RGPD4: variants seen among roughly 807,000 people sequenced by gnomAD.
RGPD4 encodes RANBP2 like and GRIP domain containing 4.
RGPD4 carries 84 observed loss-of-function variants against 141.1 expected under a neutral mutation model. The ratio of observed to expected loss-of-function variants is 0.60; its 90% CI spans 0.50 to 0.71. The LOEUF is 0.71. Ranked by LOEUF, RGPD4 falls within the 30% of genes least tolerant of loss-of-function variation. The probability of loss-of-function intolerance (pLI) is 0.00; values close to 1 mark genes in which losing one functional copy is unlikely to be tolerated. For synonymous variants in RGPD4, 298 were observed against 566.8 expected, an observed-to-expected ratio of 0.53 and a Z score of 6.74; for missense variants, 918 against 1,622.4, an observed-to-expected ratio of 0.57 and a Z score of 7.46.
intron 9 of RGPD4, among the ~76,000 whole-genome samples, chr2:107,858,646 G>A (rs1682424279): frequency 6.6e-6 from 1 of 151,420 alleles, no homozygotes; most frequent in African/African-American, 2.4e-5. Context: ...CACCATGCTG[G>A]CCAGGCTGGT....
intron 9 of RGPD4, among the ~76,000 whole-genome samples, chr2:107,858,406 T>TTCTTTTCTTG (rs1682406833): frequency 2.1e-5 from 3 of 140,246 alleles, no homozygotes; most frequent in African/African-American, 8.8e-5. Flanking sequence ...ACCTTTTCTT[T>TTCTTTTCTTG]TCTTTTCTTT....
rs1416095076 is a variant in RGPD4, at chr2:107,867,151, C to T, written c.2605+826C>T. 2.0e-5 allele frequency among the ~76,000 whole-genome samples: 3 copies of T among 146,562 alleles called. No homozygotes were observed. The East Asian group carries it at 6.2e-4, about 30-fold the overall frequency. On this transcript the variant is annotated intron_variant, in intron 18 of 22. Coordinates refer to ENST00000408999, the MANE Select transcript of RGPD4 (RefSeq NM_182588.3). Reference sequence around the variant, plus strand: ...TATTGATAGAGCCGAGATTCACACTCCAGTGGTGTAACTCCAAAGCACTTG... The same window carrying T: ...TATTGATAGAGCCGAGATTCACACTTCAGTGGTGTAACTCCAAAGCACTTG...
At chr2:107,855,388 GT>G (rs1682271601) in intron 8 of RGPD4, among the ~76,000 whole-genome samples, 1 of 146,534 alleles carries the variant, frequency 6.8e-6, no homozygotes, top group African/African-American at 2.5e-5. Flanking sequence ...TTTTGTGGGA[GT>G]TAGGCTTTCA....
intron 22 of RGPD4, among the ~76,000 whole-genome samples, chr2:107,884,255 T>C (rs183555270): frequency 0.04 from 6,068 of 151,804 alleles, 394 homozygotes; most frequent in African/African-American, 0.14. Flanking sequence ...GGACTACAGA[T>C]GCACGCCAGC....
chr2:107,831,400 C>T (rs1254034667), intron 1 of RGPD4, among the ~76,000 whole-genome samples: 1 of 144,956 alleles, frequency 6.9e-6, no homozygotes, highest in African/African-American at 2.5e-5. Flanking sequence ...AATGATCCTC[C>T]TACCTCTGTT....
intron 1 of RGPD4, among the ~76,000 whole-genome samples, chr2:107,834,018 A>G (rs1381007127): frequency 1.3e-5 from 2 of 150,682 alleles, no homozygotes; most frequent in Non-Finnish European, 3.0e-5. Flanking sequence ...AAACAAAAAA[A>G]GGAAGGGGGG....
chr2:107,889,886 T>A (rs2919204), intron 22 of RGPD4, among the ~76,000 whole-genome samples: 13 of 151,920 alleles, frequency 8.6e-5, no homozygotes, highest in East Asian at 1.9e-4. Flanking sequence ...GAATTTTTTT[T>A]AAAATCCTCT....
rs1225781353 is a variant in RGPD4 at position 107,852,460 on chromosome 2, CATG to C, written c.979-2092_979-2090del. Among the ~76,000 whole-genome samples the C allele has an allele frequency of 2.1e-4, 28 of 132,744 alleles. No homozygotes were observed. In the East Asian group the frequency reaches 4.6e-3, roughly 22 times the overall value. 87.1% of individuals were successfully genotyped at this position (132,744 alleles called of 152,430 possible). Reference sequence around the variant, plus strand: ...TCAACATATAGATGACAAACTTTGACATGATGTTTAGAAAACTTGTGAGTAAAA... The same window carrying C: ...TCAACATATAGATGACAAACTTTGACATGTTTAGAAAACTTGTGAGTAAAA... On this transcript the variant is annotated intron_variant, in intron 7 of 22. Coordinates refer to ENST00000408999, the MANE Select transcript of RGPD4 (RefSeq NM_182588.3).
rs529927754 is a variant in RGPD4 at position 107,881,563 on chromosome 2, G to T, written c.5065-1109G>T. 4.8e-3 allele frequency among the ~76,000 whole-genome samples: 725 copies of T among 151,270 alleles called. 14 individuals are homozygous for T. Among genetic ancestry groups the T allele is most frequent in the African/African-American group, 0.016 (657 of 40,838 alleles). ...AATCTCCTGACCTCGTGATCTGCCT[G>T]CCTCAGCCTCCCAAAGTGTTGGGAT... On this transcript the variant is annotated intron_variant, in intron 21 of 22. Transcript: ENST00000408999.
intron 22 of RGPD4, among the ~76,000 whole-genome samples, chr2:107,887,265 T>G (rs1362146261): frequency 6.6e-6 from 1 of 152,004 alleles, no homozygotes; most frequent in Non-Finnish European, 1.5e-5. Flanking sequence ...TTAAAAAAAA[T>G]TAAGAAATAA....
At chr2:107,873,956 A>G (rs1683016807) in intron 20 of RGPD4, among the ~76,000 whole-genome samples, 1 of 148,892 alleles carries the variant, frequency 6.7e-6, no homozygotes, top group Admixed American at 6.7e-5. Context: ...CAAAGTATTA[A>G]TAACTGTGGC....
chr2:107,858,293 T>A (rs1682399061), intron 9 of RGPD4, among the ~76,000 whole-genome samples: 2 of 151,976 alleles, frequency 1.3e-5, no homozygotes, highest in African/African-American at 4.8e-5. Flanking sequence ...TAGAGATACC[T>A]ATAAACATAA....
chr2:107,886,698 A>C (rs2104522268), intron 22 of RGPD4, among the ~76,000 whole-genome samples: 1 of 152,204 alleles, frequency 6.6e-6, no homozygotes, highest in South Asian at 2.1e-4. Flanking sequence ...GGCCTTGAAA[A>C]TAATAACCAA....
Position 107,830,926 on chromosome 2 carries a change from CCTT to C in RGPD4, c.72+3845_72+3847del, listed in dbSNP as rs1411063203. ...TCTACTCCCTCACATGTGCTTTTGCCCTTCTTAAAAATATTCTTCGTCTGTAAT... is the reference window on the plus strand; with the variant it reads ...TCTACTCCCTCACATGTGCTTTTGCCCTTAAAAATATTCTTCGTCTGTAAT... On this transcript the variant is annotated intron_variant, in intron 1 of 22. Transcript: ENST00000408999. 3.3e-5 allele frequency among the ~76,000 whole-genome samples: 5 copies of C among 152,170 alleles called. No homozygotes were observed. The East Asian group carries it at 7.7e-4, about 24-fold the overall frequency.
intron 22 of RGPD4, among the ~76,000 whole-genome samples, chr2:107,887,175 G>A (rs558362325): frequency 7.9e-5 from 12 of 151,910 alleles, no homozygotes; most frequent in Non-Finnish European, 1.0e-4. Flanking sequence ...TAAGGAGTTC[G>A]AGGCTGCAGT....
At chr2:107,887,062 G>A (rs1194240179) in intron 22 of RGPD4, among the ~76,000 whole-genome samples, 1 of 147,726 alleles carries the variant, frequency 6.8e-6, no homozygotes, top group East Asian at 1.9e-4. Flanking sequence ...GGGCAACATG[G>A]CGAGACCCTA....
chr2:107,857,134 TTTG>T (rs1192428950), intron 9 of RGPD4, among the ~76,000 whole-genome samples, 165 bp downstream of exon 9: 44 of 135,802 alleles, frequency 3.2e-4, no homozygotes, highest in East Asian at 2.5e-3. Context: ...GCATGTATTT[TTTG>T]TTGTTGTTGT....
intron 22 of RGPD4, among the ~76,000 whole-genome samples, chr2:107,883,522 C>G (rs1031520585): frequency 4.5e-4 from 67 of 149,484 alleles, no homozygotes; most frequent in African/African-American, 1.6e-3. Flanking sequence ...CCCAGCTACT[C>G]AGGAGGCTGA....
chr2:107,890,576 A>AACCC (rs1675628273), intron 22 of RGPD4, 145 bp from the exon 23 acceptor site: 1 of 88,404 alleles, frequency 1.1e-5, no homozygotes, highest in Non-Finnish European at 2.1e-5. Flanking sequence ...AAAAAAAAGA[A>AACCC]CCCCCCCCCC....
Sources: allele counts gnomAD v4.1 joint callset (sites outside exome capture counted in the v4.1 genomes callset), GRCh38; gene constraint gnomAD v4.1.1; transcripts MANE v1.5; gene names NCBI Gene and HGNC (gene_info 2026-07-23, HGNC 2026-07-21).